DPYSL5: variants seen among roughly 807,000 people sequenced by gnomAD.
DPYSL5 encodes dihydropyrimidinase-related protein 5.
DPYSL5 carries 9 observed loss-of-function variants against 58.4 expected under a neutral mutation model. That is an observed-to-expected ratio of 0.15 (90% CI 0.09 to 0.27). DPYSL5 has a LOEUF of 0.27. DPYSL5 is among the 10% of genes least tolerant of loss of function. DPYSL5 has a pLI of 1.00. For missense variants in DPYSL5, 499 were observed against 770.6 expected (o/e 0.65, Z 4.17); for synonymous variants, 293 against 301.9 (o/e 0.97, Z 0.31).
At chr2:26,900,882 G>A (rs1360269921) in intron 2 of DPYSL5, among the ~76,000 whole-genome samples, 3 of 152,082 alleles carry the variant, frequency 2.0e-5, no homozygotes, top group South Asian at 2.1e-4. Flanking sequence ...TACCAGCCTC[G>A]CGGTGGGCAG....
intron 1 of DPYSL5, among the ~76,000 whole-genome samples, chr2:26,894,659 C>T (rs867428936): frequency 6.6e-6 from 1 of 152,198 alleles, no homozygotes; most frequent in Non-Finnish European, 1.5e-5. Flanking sequence ...TCCCTTGGCT[C>T]CTTCTTCACT....
intron 1 of DPYSL5, among the ~76,000 whole-genome samples, chr2:26,869,535 A>G (rs1267856992): frequency 6.6e-6 from 1 of 152,176 alleles, no homozygotes; most frequent in Non-Finnish European, 1.5e-5. Flanking sequence ...ATATATAGAT[A>G]TTCCCTTTCT....
intron 1 of DPYSL5, among the ~76,000 whole-genome samples, chr2:26,866,592 G>A (rs892167198): frequency 1.1e-4 from 16 of 151,844 alleles, no homozygotes; most frequent in African/African-American, 3.6e-4. Context: ...TAAAGTTTGA[G>A]GTGATGGATA....
intron 1 of DPYSL5, among the ~76,000 whole-genome samples, chr2:26,866,840 T>C (rs1446964282): frequency 6.6e-6 from 1 of 151,718 alleles, no homozygotes; most frequent in East Asian, 1.9e-4. Context: ...CAAGTGATTC[T>C]CCTGCCTCAG....
intron 1 of DPYSL5, among the ~76,000 whole-genome samples, chr2:26,870,294 A>C (rs931924455): frequency 6.6e-6 from 1 of 152,144 alleles, no homozygotes. Flanking sequence ...ATTTCATCAG[A>C]TGTCTTCAAC....
In DPYSL5 at chr2:26,927,726, C is replaced by A. The variant is rs1202384413; in HGVS notation, c.600+294C>A. ...TTCCATTATAGCAGAGAATTTGGAG[C>A]ACCTCTCAGACATATTTTTAATGAG... is the stretch of plus-strand genomic sequence containing the variant. On this transcript the variant is annotated intron_variant, in intron 4 of 12. Transcript: ENST00000288699. This position sits in a 1 kb window ranked among gnomAD's most constrained non-coding sequence, Gnocchi z 4.3. Among the ~76,000 whole-genome samples the A allele has an allele frequency of 6.6e-6, 1 of 152,158 alleles. No individual in the cohort carries two copies. Among genetic ancestry groups the A allele is most frequent in the African/African-American group, 2.4e-5 (1 of 41,430 alleles).
chr2:26,928,172 A>G, intron 4 of DPYSL5, 83 bp from the exon 5 acceptor site: 2 of 1,415,174 alleles, frequency 1.4e-6, no homozygotes, highest in Non-Finnish European at 2.0e-6. Context: ...TGTCTAGCAT[A>G]TTTCACTGTC....
intron 1 of DPYSL5, among the ~76,000 whole-genome samples, chr2:26,879,503 C>G (rs1215660398): frequency 1.3e-5 from 2 of 150,574 alleles, no homozygotes; most frequent in Non-Finnish European, 2.9e-5. Context: ...TGGTCCAGAC[C>G]TTTTGATTGT....
At position 26,942,259 on chromosome 2, in the gene DPYSL5, C is replaced by T. The variant is rs1553322471; in HGVS notation, c.1232+167C>T. Among the ~76,000 whole-genome samples, 1 of 152,190 alleles carries T rather than the reference C, an allele frequency of 6.6e-6. No homozygotes were observed. The highest frequency in any genetic ancestry group is 2.1e-4 in the South Asian group (1 of 4,828). ...CTCCATCTTCACACAGTCTTTCTTC[C>T]GTGTCACACATGTCTGGTGTGTCTG... On this transcript the variant is annotated intron_variant, in intron 10 of 12. Coordinates refer to ENST00000288699, the MANE Select transcript of DPYSL5 (RefSeq NM_020134.4). The surrounding 1 kb of genome is among the most constrained non-coding windows in gnomAD (Gnocchi z 5.9).
At position 26,942,532 on chromosome 2, in the gene DPYSL5, C is replaced by T. The variant is rs1367069116; in HGVS notation, c.1233-11C>T. 1.9e-6 allele frequency: 3 copies of T among 1,612,474 alleles called. No individual in the cohort carries two copies. The highest frequency in any genetic ancestry group is 2.5e-6 in the Non-Finnish European group (3 of 1,179,142). On this transcript the variant is annotated splice_polypyrimidine_tract_variant and intron_variant, in intron 10 of 12. Coordinates refer to ENST00000288699, the MANE Select transcript of DPYSL5 (RefSeq NM_020134.4). This position sits in a 1 kb window ranked among gnomAD's most constrained non-coding sequence, Gnocchi z 5.9. ...TCAGCGCTTTCTCTCCCGCCATTGC[C>T]TCCCCACCAGGACCATCTCAGCCAG...
rs182325165 is a variant in DPYSL5, at chr2:26,881,110, G to A, written c.-4-17386G>A. Among the ~76,000 whole-genome samples, 28 of 152,246 alleles carry A rather than the reference G, an allele frequency of 1.8e-4. No individual in the cohort carries two copies. In the East Asian group the frequency reaches 4.8e-3, roughly 26 times the overall value. On this transcript the variant is annotated intron_variant, in intron 1 of 12. Transcript: ENST00000288699. ...GCTGGGAAAACGGGCCTGGGAGGAC[G>A]TGCCCATAGTCGCATGGCACAGCCA...
In DPYSL5 at chr2:26,924,744, C is replaced by T; in HGVS notation, c.262-143C>T. 1 of 1,231,732 alleles carries T rather than the reference C, an allele frequency of 8.1e-7. No homozygotes were observed. The highest frequency in any genetic ancestry group is 1.1e-6 in the Non-Finnish European group (1 of 920,150). The allele number at this position is 1,231,732 out of a possible 1,614,324, so 76.3% of individuals were successfully genotyped here. A position where few individuals can be genotyped will look rare whatever the true frequency, so the allele number is the denominator to read the frequency against. ...CCTCCACATGGCTCTTTACAGTTTC[C>T]CAAACCTCGCTGCCCTTGGTCCTCA... is the stretch of plus-strand genomic sequence containing the variant. On this transcript the variant is annotated intron_variant, in intron 2 of 12. Transcript: ENST00000288699. This position sits in a 1 kb window ranked among gnomAD's most constrained non-coding sequence, Gnocchi z 4.7.
intron 1 of DPYSL5, among the ~76,000 whole-genome samples, chr2:26,860,905 G>A (rs1270411701): frequency 6.6e-6 from 1 of 152,178 alleles, no homozygotes; most frequent in East Asian, 1.9e-4. Flanking sequence ...GTCTCTGGAG[G>A]GGTCAGGGAG....
chr2:26,856,985 C>T (rs1665896596), intron 1 of DPYSL5, among the ~76,000 whole-genome samples: 1 of 144,344 alleles, frequency 6.9e-6, no homozygotes, highest in Admixed American at 6.8e-5. Context: ...CACAAATAAC[C>T]AATTGATTGG....
intron 8 of DPYSL5, among the ~76,000 whole-genome samples, chr2:26,936,541 C>A (rs747008408): frequency 1.3e-5 from 2 of 152,104 alleles, no homozygotes; most frequent in Non-Finnish European, 2.9e-5. Flanking sequence ...TGTCCCATAG[C>A]CTTGGTGGGT....
At position 26,933,186 on chromosome 2, in the gene DPYSL5, G is replaced by A; in HGVS notation, c.715-72G>A. The stretch of plus-strand genomic sequence containing the variant: ...AGGCGCTGGTGCCAGGGCTGACTTT[G>A]CCAGGGTTATTCTGATGCTTGTGAA... On this transcript the variant is annotated intron_variant, in intron 6 of 12. Coordinates refer to ENST00000288699, the MANE Select transcript of DPYSL5 (RefSeq NM_020134.4). The surrounding 1 kb of genome is among the most constrained non-coding windows in gnomAD (Gnocchi z 4.2). 4 of 1,449,164 alleles carry A rather than the reference G, an allele frequency of 2.8e-6. No homozygotes were observed. Among genetic ancestry groups the A allele is most frequent in the Admixed American group, 1.7e-5 (1 of 59,712 alleles). The allele number at this position is 1,449,164 out of a possible 1,614,324, so 89.8% of individuals were successfully genotyped here. A position where few individuals can be genotyped will look rare whatever the true frequency, so the allele number is the denominator to read the frequency against.
chr2:26,857,068 G>A (rs1386756624), intron 1 of DPYSL5, among the ~76,000 whole-genome samples: 2 of 151,578 alleles, frequency 1.3e-5, no homozygotes, highest in East Asian at 3.8e-4. Context: ...CTTAACTCAT[G>A]TTTCTTGAGG....
chr2:26,860,249 T>C (rs1035255015), intron 1 of DPYSL5, among the ~76,000 whole-genome samples: 6 of 152,180 alleles, frequency 3.9e-5, no homozygotes, highest in African/African-American at 1.4e-4. Context: ...AGGGACATGA[T>C]TGTCAAATGG....
chr2:26,939,565 A>G (rs1665264724), intron 8 of DPYSL5: 1 of 162,164 alleles, frequency 6.2e-6, no homozygotes, highest in Admixed American at 5.9e-5. Flanking sequence ...CTTCTGGGCC[A>G]TTAGAATCCC....
Sources: allele counts gnomAD v4.1 joint callset (sites outside exome capture counted in the v4.1 genomes callset), GRCh38; gene constraint gnomAD v4.1.1; non-coding constraint Gnocchi (gnomAD v3.1); transcripts MANE v1.5; gene names NCBI Gene and HGNC (gene_info 2026-07-23, HGNC 2026-07-21).